ERCC5: variants seen among roughly 807,000 people sequenced by gnomAD.
ERCC5 encodes DNA excision repair protein ERCC-5.
In ERCC5, 68 loss-of-function variants were observed where a neutral mutation model predicts 105.6. The ratio of observed to expected loss-of-function variants is 0.64; its 90% CI spans 0.53 to 0.79. ERCC5 has a LOEUF of 0.79. ERCC5 is among the 30% of genes least tolerant of loss of function. The pLI, the probability that ERCC5 is intolerant of heterozygous loss-of-function variation, is 0.00. For missense variants in ERCC5, 1,373 were observed against 1,426.7 expected (o/e 0.96, Z 0.61); for synonymous variants, 546 against 526.2 (o/e 1.04, Z -0.51).
chr13:102,874,427 A>G (rs573742413), intron 14 of ERCC5, among the ~76,000 whole-genome samples: 1 of 152,230 alleles, frequency 6.6e-6, no homozygotes. Context: ...ATTTCATGAA[A>G]GATATTTAAA....
intron 3 of ERCC5, 196 bp downstream of exon 3, chr13:102,854,068 T>C: frequency 1.4e-6 from 1 of 730,236 alleles, no homozygotes; most frequent in Non-Finnish European, 2.3e-6. Flanking sequence ...GAATCAACTT[T>C]GCTAATGAGA....
intron 12 of ERCC5, among the ~76,000 whole-genome samples, chr13:102,871,251 C>G (rs111346116): frequency 6.6e-6 from 1 of 152,180 alleles, no homozygotes; most frequent in Non-Finnish European, 1.5e-5. Flanking sequence ...AGGGCCTCCC[C>G]TAGGCCTGGC....
chr13:102,872,470 G>T, intron 13 of ERCC5, 72 bp downstream of exon 13: 1 of 1,563,412 alleles, frequency 6.4e-7, no homozygotes, highest in South Asian at 1.2e-5. Flanking sequence ...TTATGGAAGA[G>T]AAACTTGGAT....
Position 102,853,828 on chromosome 13 carries a change from AT to A in ERCC5, c.341del (p.Leu114Ter). 6.2e-7 allele frequency: 1 copy of A among 1,614,244 alleles called. No homozygotes were observed. The highest frequency in any genetic ancestry group is 8.5e-7 in the Non-Finnish European group (1 of 1,180,044). On this transcript the variant is annotated frameshift_variant, in exon 3 of 15. Transcript: ENST00000652225. LOFTEE classifies it high-confidence loss of function. ...AAACGACAGAGAAGCTTCTGAAAAC[AT>A]TTTTGAAAAGACAAGCCATCAAAAC... ...RKTTEKLLKT[F>X]LKRQAIKTAF...
intron 9 of ERCC5, 160 bp from the exon 10 acceptor site, chr13:102,866,102 C>A: frequency 6.9e-7 from 1 of 1,452,210 alleles, no homozygotes; most frequent in Non-Finnish European, 9.5e-7. Flanking sequence ...AGTGATGAAT[C>A]TCTAAAGATA....
rs933658755 is a variant in ERCC5 at position 102,852,395 on chromosome 13, A to G, written c.264+102A>G. On this transcript the variant is annotated intron_variant, in intron 2 of 14. Coordinates refer to ENST00000652225, the MANE Select transcript of ERCC5 (RefSeq NM_000123.4). ...TTTTGTTTTCTCTTTAGAATTTTAG[A>G]AACAGACTTATTTTGACACATACTT... is the stretch of plus-strand genomic sequence containing the variant. The G allele has an allele frequency of 1.0e-5, 14 of 1,358,134 alleles. No individual in the cohort carries two copies. The Admixed American group carries it at 2.9e-4, about 28-fold the overall frequency. The allele number at this position is 1,358,134 out of a possible 1,614,324, so 84.1% of individuals were successfully genotyped here.
chr13:102,875,497 A>G lies in ERCC5; in HGVS notation c.3155A>G (p.Lys1052Arg). Residue 1052 changes from lysine to arginine, a missense_variant, in exon 15 of 15, where the codon AAA (lysine) becomes AGA (arginine). This residue lies in a region of ERCC5 where 367 missense variants were observed against 350.2 expected (regional missense o/e 1.05). Coordinates refer to ENST00000652225, the MANE Select transcript of ERCC5 (RefSeq NM_000123.4). ...GAATTTGAGCTACTTGATAAGGCAA[A>G]AGGAAAAACCCAGAAGAGAGGCATA... ...EKEFELLDKA[K>R]GKTQKRGITN... The G allele has an allele frequency of 6.2e-7, 1 of 1,614,130 alleles. No individual in the cohort carries two copies. Among genetic ancestry groups the G allele is most frequent in the East Asian group, 2.2e-5 (1 of 44,886 alleles).
intron 1 of ERCC5, among the ~76,000 whole-genome samples, chr13:102,850,442 C>T (rs1882161613): frequency 6.6e-6 from 1 of 152,048 alleles, no homozygotes; most frequent in African/African-American, 2.4e-5. Context: ...AGGAAGTGAG[C>T]AGAGGCCAGA....
Position 102,865,934 on chromosome 13 carries a change from C to T in ERCC5, c.2199+23C>T, listed in dbSNP as rs371480163. 56 of 1,613,758 alleles carry T rather than the reference C, an allele frequency of 3.5e-5. No individual in the cohort carries two copies. The highest frequency in any genetic ancestry group is 2.5e-4 in the South Asian group (23 of 90,890). Reference sequence around the variant, plus strand: ...TTGGTAATACCGTAACATTGTGTTTCGACTTCTTGCTGAGGAAGCCAGGTT... The same window carrying T: ...TTGGTAATACCGTAACATTGTGTTTTGACTTCTTGCTGAGGAAGCCAGGTT... On this transcript the variant is annotated intron_variant, in intron 9 of 14. Coordinates refer to ENST00000652225, the MANE Select transcript of ERCC5 (RefSeq NM_000123.4). The surrounding 1 kb of genome is among the most constrained non-coding windows in gnomAD (Gnocchi z 4.0).
In ERCC5 at chr13:102,872,277, A is replaced by G; in HGVS notation, c.2758A>G (p.Thr920Ala). ...HDTKVKKKLRTLQLTPGFPNP... is the reference protein window; with the variant it reads ...HDTKVKKKLRALQLTPGFPNP... ...CACCAAAGTGAAAAAAAAATTACGG[A>G]CATTGCAACTCACCCCTGGCTTTCC... is the stretch of plus-strand genomic sequence containing the variant. The change falls in exon 13 of 15, where the codon ACA becomes GCA. Residue 920 changes from threonine (T) to alanine (A), a missense_variant. Physicochemically the swap from Thr to Ala is moderately conservative, Grantham distance 58. This residue lies in a region of ERCC5 where 367 missense variants were observed against 350.2 expected (regional missense o/e 1.05). Coordinates refer to ENST00000652225, the MANE Select transcript of ERCC5 (RefSeq NM_000123.4). 3.1e-6 allele frequency: 5 copies of G among 1,614,190 alleles called. No homozygotes were observed. Among genetic ancestry groups the G allele is most frequent in the Non-Finnish European group, 4.2e-6 (5 of 1,180,030 alleles).
At position 102,875,300 on chromosome 13, in the gene ERCC5, T is replaced by A; in HGVS notation, c.2965-7T>A. 1 of 1,613,166 alleles carries A rather than the reference T, an allele frequency of 6.2e-7. No individual in the cohort carries two copies. The highest frequency in any genetic ancestry group is 1.3e-5 in the African/African-American group (1 of 74,998). ...TTATTATTATTATTCTTTTGTTATT[T>A]TTTTAGACACAGCTCCGAATTGATT... is the stretch of plus-strand genomic sequence containing the variant. On this transcript the variant is annotated splice_region_variant and splice_polypyrimidine_tract_variant and intron_variant, in intron 14 of 14. Transcript: ENST00000652225.
At chr13:102,846,489 GTCAC>G (rs747915956) in intron 1 of ERCC5, 135 bp downstream of exon 1, 38 of 774,504 alleles carry the variant, frequency 4.9e-5, no homozygotes, top group Non-Finnish European at 6.3e-5. Flanking sequence ...TAGAATCTCT[GTCAC>G]TAGGTTTTCT....
intron 1 of ERCC5, among the ~76,000 whole-genome samples, chr13:102,846,708 T>C (rs1203419531): frequency 6.6e-6 from 1 of 152,262 alleles, no homozygotes; most frequent in Non-Finnish European, 1.5e-5. Context: ...TGTTATACTG[T>C]ATTTTAAAAT....
At chr13:102,851,793 G>A (rs1414491186) in intron 1 of ERCC5, among the ~76,000 whole-genome samples, 1 of 151,824 alleles carries the variant, frequency 6.6e-6, no homozygotes, top group African/African-American at 2.4e-5. Flanking sequence ...TTGTCCTCCA[G>A]AAAATTTGTG....
intron 2 of ERCC5, 107 bp downstream of exon 2, chr13:102,852,400 G>A: frequency 8.1e-7 from 1 of 1,239,394 alleles, no homozygotes; most frequent in Non-Finnish European, 1.1e-6. Context: ...TTTAGAAACA[G>A]ACTTATTTTG....
chr13:102,864,016 A>G (rs1299817605), intron 8 of ERCC5, among the ~76,000 whole-genome samples: 1 of 152,098 alleles, frequency 6.6e-6, no homozygotes, highest in Non-Finnish European at 1.5e-5. Flanking sequence ...TTATATATGC[A>G]TATGTGTGTA....
In ERCC5 at chr13:102,873,294, A is replaced by G; in HGVS notation, c.2915A>G (p.Lys972Arg). 2 of 1,614,168 alleles carry G rather than the reference A, an allele frequency of 1.2e-6. No individual in the cohort carries two copies. The highest frequency in any genetic ancestry group is 1.1e-5 in the South Asian group (1 of 91,086). ...CGGTATTTCGGCTGGAACAGAACGA[A>G]GACAGATGAATCTCTGTTTCCTGTA... ...CQRYFGWNRTKTDESLFPVLK... is the reference protein window; with the variant it reads ...CQRYFGWNRTRTDESLFPVLK... Residue 972 changes from lysine to arginine, a missense_variant, in exon 14 of 15, where the codon AAG (lysine) becomes AGG (arginine). Physicochemically the swap from Lys to Arg is conservative, Grantham distance 26. Around this residue, in one of 3 missense-constraint regions of ERCC5, gnomAD observed 367 missense variants for 350.2 expected, o/e 1.05. Coordinates refer to ENST00000652225, the MANE Select transcript of ERCC5 (RefSeq NM_000123.4).
intron 5 of ERCC5, 136 bp downstream of exon 5, chr13:102,856,248 A>G (rs1049369964): frequency 1.3e-6 from 1 of 794,710 alleles, no homozygotes; most frequent in African/African-American, 1.7e-5. Flanking sequence ...TTGGTTGTGC[A>G]TATATATGTG....
chr13:102,858,707 C>G (rs1882514588), intron 6 of ERCC5, among the ~76,000 whole-genome samples: 1 of 152,174 alleles, frequency 6.6e-6, no homozygotes, highest in African/African-American at 2.4e-5. Context: ...AGTTCCAAAA[C>G]ACGCTTATCT....
Sources: gnomAD v4.1 joint callset for allele counts (sites outside exome capture counted in the v4.1 genomes callset) on GRCh38, gnomAD v4.1.1 for gene constraint, gnomAD v4.1.1 regional missense constraint, Gnocchi (gnomAD v3.1) non-coding constraint, MANE v1.5 for transcripts, NCBI Gene and HGNC (gene_info 2026-07-23, HGNC 2026-07-21) for gene names.